The following TAF1 variants were observed in gnomAD, a reference collection of about 807,000 sequenced individuals.
TAF1 encodes transcription initiation factor TFIID subunit 1.
A neutral mutation model predicts 138.5 loss-of-function variants in TAF1; 2 were observed. The ratio of observed to expected loss-of-function variants is 0.01; its 90% CI spans 0.01 to 0.05. TAF1 has a LOEUF of 0.05. TAF1 is among the 10% of genes least tolerant of loss of function. TAF1 has a pLI of 1.00. For synonymous variants in TAF1, 437 were observed against 503.2 expected, an observed-to-expected ratio of 0.87 and a Z score of 1.76; for missense variants, 709 against 1,478.0, an observed-to-expected ratio of 0.48 and a Z score of 8.53.
intron 35 of TAF1, chrX:71,459,169 G>A: frequency 9.3e-7 from 1 of 1,078,360 alleles, no homozygotes; most frequent in Non-Finnish European, 1.2e-6. Context: ...GGCCGAGGTA[G>A]GCTGGGCGAG....
At chrX:71,409,736 C>T (rs777283579) in intron 28 of TAF1, among the ~76,000 whole-genome samples, 40 of 111,265 alleles carry the variant, frequency 3.6e-4, no homozygotes, top group African/African-American at 1.2e-3. Context: ...ATAACTGGCT[C>T]CCATACCCAC....
intron 13 of TAF1, chrX:71,528,150 A>G (rs1391012108): frequency 4.9e-6 from 1 of 203,298 alleles, no homozygotes; most frequent in Non-Finnish European, 9.2e-6. Context: ...CATGGGAGCA[A>G]AAGCTTGAGC....
chrX:71,510,826 G>A lies in TAF1; in HGVS notation c.1367-17716G>A, dbSNP rs73544837. 9.8e-3 allele frequency among the ~76,000 whole-genome samples: 1,102 copies of A among 111,968 alleles called. 15 individuals carry two copies. The highest frequency in any genetic ancestry group is 0.033 in the African/African-American group (1,027 of 30,824). ...GCCCCTATAAAAGGCCCTACTTGGC[G>A]GGCACGATGGCTCACTCCTGTAATC... On this transcript the variant is annotated intron_variant and NMD_transcript_variant, in intron 13 of 14. Coordinates refer to the TAF1 transcript ENST00000373775.
chrX:71,446,242 T>G (rs1261647966), intron 32 of TAF1, among the ~76,000 whole-genome samples: 2 of 111,636 alleles, frequency 1.8e-5, no homozygotes, highest in Non-Finnish European at 3.8e-5. Flanking sequence ...TTTATTGATG[T>G]GTGCTTGTGC....
chrX:71,407,353 G>A (rs1223759001), intron 26 of TAF1, among the ~76,000 whole-genome samples: 1 of 108,155 alleles, frequency 9.2e-6, no homozygotes, highest in African/African-American at 3.4e-5. Flanking sequence ...GAGTAGTTCA[G>A]ATTACAGGCA....
intron 32 of TAF1, among the ~76,000 whole-genome samples, chrX:71,442,632 G>T (rs753778910): frequency 8.9e-6 from 1 of 112,042 alleles, no homozygotes; most frequent in Non-Finnish European, 1.9e-5. Context: ...TCTGATGGTA[G>T]TTTCTTTTGC....
intron 18 of TAF1, among the ~76,000 whole-genome samples, chrX:71,390,567 T>TGTACC (rs758865716): frequency 1.9e-3 from 207 of 111,850 alleles, no homozygotes; most frequent in Non-Finnish European, 3.3e-3. Context: ...TTACCCAGGC[T>TGTACC]GTACCGTGGT....
chrX:71,383,477 G>A (rs765813976), intron 12 of TAF1, among the ~76,000 whole-genome samples: 73 of 112,196 alleles, frequency 6.5e-4, no homozygotes, highest in Non-Finnish European at 9.4e-5. Context: ...GTCGTCCTTC[G>A]TTATCTCTGG....
intron 13 of TAF1, among the ~76,000 whole-genome samples, chrX:71,483,608 A>G (rs1161385028): frequency 9.3e-6 from 1 of 107,348 alleles, no homozygotes; most frequent in Non-Finnish European, 1.9e-5. Flanking sequence ...CAAACAAATA[A>G]ATAAATACAT....
intron 24 of TAF1, among the ~76,000 whole-genome samples, chrX:71,399,190 T>G (rs995045517): frequency 2.7e-4 from 30 of 110,753 alleles, no homozygotes; most frequent in Non-Finnish European, 5.5e-4. Flanking sequence ...TCCTCCCACC[T>G]TGGCTTCCCA....
At chrX:71,413,203 C>T (rs1391417989) in intron 28 of TAF1, among the ~76,000 whole-genome samples, 1 of 111,787 alleles carries the variant, frequency 8.9e-6, no homozygotes, top group African/African-American at 3.3e-5. Context: ...TACCTAGGAG[C>T]CGAATTGCTG....
chrX:71,493,256 G>A (rs191904229), intron 13 of TAF1, among the ~76,000 whole-genome samples: 1,542 of 111,256 alleles, frequency 0.014, 10 homozygotes, highest in African/African-American at 0.035. Context: ...CTCGTGATCC[G>A]CCCGCCTCGG....
At chrX:71,380,435 AATT>A (rs1395917344) in intron 8 of TAF1, among the ~76,000 whole-genome samples, 5 of 110,803 alleles carry the variant, frequency 4.5e-5, no homozygotes, top group East Asian at 2.8e-4. Flanking sequence ...ATTTTAATTA[AATT>A]ATTATTTTTT....
At position 71,464,682 on chromosome X, in the gene TAF1, G is replaced by A. The variant is rs2038689770; in HGVS notation, c.*636G>A. On this transcript the variant is annotated 3_prime_UTR_variant, in exon 38 of 38. Coordinates refer to ENST00000423759, the MANE Select transcript of TAF1 (RefSeq NM_004606.5). The stretch of plus-strand genomic sequence containing the variant: ...GGTCACGCCACTGCACTCCAGCCTG[G>A]GCGAAAGAGTGAGATTCAGTCTCAA... 1 of 128,794 alleles carries A rather than the reference G, an allele frequency of 7.8e-6. No individual in the cohort carries two copies. The highest frequency in any genetic ancestry group is 9.2e-5 in the Admixed American group (1 of 10,914). 10.6% of individuals were successfully genotyped at this position (128,794 alleles called of 1,213,427 possible). A position where few individuals can be genotyped will look rare whatever the true frequency, so the allele number is the denominator to read the frequency against.
At chrX:71,462,816 G>C (rs1044591159) in intron 37 of TAF1, among the ~76,000 whole-genome samples, 2 of 111,265 alleles carry the variant, frequency 1.8e-5, no homozygotes, top group East Asian at 5.6e-4. Context: ...ATTTAAAAAC[G>C]TGCATCCCCT....
chrX:71,506,762 G>T (rs1299940420), intron 13 of TAF1, among the ~76,000 whole-genome samples: 3 of 109,498 alleles, frequency 2.7e-5, no homozygotes, highest in Admixed American at 9.8e-5. Context: ...CTACCGAAAA[G>T]AATTGAAAAC....
chrX:71,424,799 A>G (rs1238127089), intron 32 of TAF1, among the ~76,000 whole-genome samples: 1 of 110,410 alleles, frequency 9.1e-6, no homozygotes, highest in Admixed American at 9.6e-5. Context: ...TAATTTTTGT[A>G]TTTTTAGTAG....
At chrX:71,437,139 A>G (rs193000935) in intron 32 of TAF1, among the ~76,000 whole-genome samples, 2 of 110,869 alleles carry the variant, frequency 1.8e-5, no homozygotes, top group African/African-American at 6.5e-5. Context: ...TATTTTGTTT[A>G]TTTATTTTTC....
At chrX:71,446,660 T>C (rs931736801) in intron 32 of TAF1, among the ~76,000 whole-genome samples, 1 of 112,420 alleles carries the variant, frequency 8.9e-6, no homozygotes, top group African/African-American at 3.2e-5. Context: ...TGTTCATTTA[T>C]ATATTTTTAA....
Sources: gnomAD v4.1 joint callset for allele counts (sites outside exome capture counted in the v4.1 genomes callset) on GRCh38, gnomAD v4.1.1 for gene constraint, MANE v1.5 for transcripts, NCBI Gene and HGNC (gene_info 2026-07-23, HGNC 2026-07-21) for gene names.